The following TRIM6 variants were observed in gnomAD, a reference collection of about 807,000 sequenced individuals.
The protein encoded by TRIM6 is tripartite motif containing 6, also known as tripartite motif-containing protein 6.
Under a neutral mutation model 51.2 loss-of-function variants are expected in TRIM6, and 43 were observed. The observed-to-expected ratio is 0.84, with a 90% CI of 0.66 to 1.08. The LOEUF is 1.08. Ranked by LOEUF, TRIM6 falls within the 50% of genes least tolerant of loss-of-function variation. The pLI is 0.00. For synonymous variants in TRIM6, 215 were observed against 232.4 expected (o/e 0.93, Z 0.68); for missense variants, 669 against 619.0 (o/e 1.08, Z -0.86).
intron 5 of TRIM6, among the ~76,000 whole-genome samples, chr11:5,609,473 C>T (rs1386498934): frequency 6.6e-6 from 1 of 152,106 alleles, no homozygotes; most frequent in African/African-American, 2.4e-5. Flanking sequence ...ATCTTCAACC[C>T]CTCTGATTTT....
intron 4 of TRIM6, among the ~76,000 whole-genome samples, chr11:5,607,707 TA>T (rs972621777): frequency 3.3e-5 from 5 of 152,206 alleles, no homozygotes; most frequent in Non-Finnish European, 5.9e-5. Context: ...CTATTTTGTT[TA>T]AATTTGGTGA....
chr11:5,596,303 C>T (rs1847440281), upstream of TRIM6: 1 of 154,684 alleles, frequency 6.5e-6, no homozygotes, highest in Admixed American at 6.5e-5. Flanking sequence ...AGGGAGACTT[C>T]TGCATTTTCA....
At chr11:5,610,079 G>C in intron 5 of TRIM6, 66 bp from the exon 6 acceptor site, 1 of 1,552,534 alleles carries the variant, frequency 6.4e-7, no homozygotes, top group Non-Finnish European at 8.9e-7. Flanking sequence ...TGGGAGGTAA[G>C]GGAGATGGGT....
In TRIM6 at chr11:5,611,279, T is replaced by G; in HGVS notation, c.1488T>G (p.Leu496=). The G allele has an allele frequency of 6.2e-7, 1 of 1,614,016 alleles. No homozygotes were observed. The highest frequency in any genetic ancestry group is 8.5e-7 in the Non-Finnish European group (1 of 1,179,900). The change falls in exon 8 of 8, where the codon CTT becomes CTG. Residue 496 remains leucine (L), a synonymous_variant. Transcript: ENST00000380097. ...TFSKYYFPTT[L]CPYFNPCNCV... Reference sequence around the variant, plus strand: ...CTAAATATTACTTTCCCACTACTCTTTGTCCATATTTTAATCCTTGCAACT... The same window carrying G: ...CTAAATATTACTTTCCCACTACTCTGTGTCCATATTTTAATCCTTGCAACT...
Position 5,603,393 on chromosome 11 carries a change from C to G in TRIM6, c.165C>G (p.Ser55Arg), listed in dbSNP as rs140488832. ...ICLELLTEPLSIDCGHSFCQA... is the reference protein window; with the variant it reads ...ICLELLTEPLRIDCGHSFCQA... ...TGGAGCTCCTAACAGAACCCCTGAG[C>G]ATAGACTGTGGCCACAGCTTCTGCC... is the stretch of plus-strand genomic sequence containing the variant. The change falls in exon 2 of 8, where the codon AGC (serine) becomes AGG (arginine). Residue 55 changes from serine (S) to arginine (R), a missense_variant. By Grantham distance (110) the Ser-to-Arg change is moderately radical (BLOSUM62 -1). Coordinates refer to ENST00000380097, the MANE Select transcript of TRIM6 (RefSeq NM_001003818.3). 1.9e-6 allele frequency: 3 copies of G among 1,613,934 alleles called. No homozygotes were observed. The South Asian group carries it at 3.3e-5, about 18-fold the overall frequency.
chr11:5,604,685 G>T (rs529045647), intron 3 of TRIM6, 56 bp downstream of exon 3: 25 of 1,571,672 alleles, frequency 1.6e-5, no homozygotes, highest in Non-Finnish European at 2.2e-5. Flanking sequence ...CAGGTCATAG[G>T]AGCTGAGGGC....
At chr11:5,601,723 C>A (rs1300253320) in intron 1 of TRIM6, among the ~76,000 whole-genome samples, 1 of 151,880 alleles carries the variant, frequency 6.6e-6, no homozygotes, top group Non-Finnish European at 1.5e-5. Context: ...GTGCCACTGC[C>A]CTCCAGCCTG....
chr11:5,603,511 A>G lies in TRIM6; in HGVS notation c.283A>G (p.Asn95Asp). 1 of 1,614,036 alleles carries G rather than the reference A, an allele frequency of 6.2e-7. No homozygotes were observed. Among genetic ancestry groups the G allele is most frequent in the Non-Finnish European group, 8.5e-7 (1 of 1,179,974 alleles). The change falls in exon 2 of 8, where the codon AAC becomes GAC. Residue 95 changes from asparagine (N) to aspartate (D), a missense_variant. Transcript: ENST00000380097. ...PVCQTSYQPG[N>D]LRPNRHLANI... is the part of the protein sequence containing the mutation. Reference sequence around the variant, plus strand: ...GTGCCAGACCAGCTACCAGCCAGGGAACCTGCGGCCTAATCGGCATCTGGC... The same window carrying G: ...GTGCCAGACCAGCTACCAGCCAGGGGACCTGCGGCCTAATCGGCATCTGGC...
chr11:5,598,612 T>G lies in TRIM6; in HGVS notation c.17+1698T>G, dbSNP rs7119727. 6.1e-3 allele frequency among the ~76,000 whole-genome samples: 926 copies of G among 152,308 alleles called. 12 individuals are homozygous for G. The highest frequency in any genetic ancestry group is 0.021 in the African/African-American group (886 of 41,564). ...AACATAAAAAAATTAATAAGATCCTTTAACTTTTTTAAACTAAATCTTCAA... is the reference window on the plus strand; with the variant it reads ...AACATAAAAAAATTAATAAGATCCTGTAACTTTTTTAAACTAAATCTTCAA... On this transcript the variant is annotated intron_variant, in intron 1 of 7. Transcript: ENST00000380097.
In TRIM6 at chr11:5,612,869, A is replaced by G. The variant is rs1848629132; in HGVS notation, c.*1527A>G. 6.6e-6 allele frequency: 1 copy of G among 152,242 alleles called. No individual in the cohort carries two copies. Among genetic ancestry groups the G allele is most frequent in the South Asian group, 2.1e-4 (1 of 4,828 alleles). The allele number at this position is 152,242 out of a possible 1,614,324, so 9.4% of individuals were successfully genotyped here. On this transcript the variant is annotated 3_prime_UTR_variant, in exon 8 of 8. Transcript: ENST00000380097. Reference sequence around the variant, plus strand: ...CCTACTTCAAAAAATAATGTAAAATATCTCACTAATAACTTTTCCTTTGTG... The same window carrying G: ...CCTACTTCAAAAAATAATGTAAAATGTCTCACTAATAACTTTTCCTTTGTG...
In TRIM6 at chr11:5,596,769, GTT is replaced by G. The variant is rs1006310050; in HGVS notation, c.-127_-126del. 1.4e-4 allele frequency: 208 copies of G among 1,442,834 alleles called. No individual in the cohort carries two copies. Among genetic ancestry groups the G allele is most frequent in the Non-Finnish European group, 1.9e-4 (193 of 1,033,040 alleles). The allele number at this position is 1,442,834 out of a possible 1,614,324, so 89.4% of individuals were successfully genotyped here. A position where few individuals can be genotyped will look rare whatever the true frequency, so the allele number is the denominator to read the frequency against. On this transcript the variant is annotated 5_prime_UTR_variant, in exon 1 of 8. Transcript: ENST00000380097. ...ACGGAGCAGAGTCGTGCGTGGTTGA[GTT>G]TAGATAAAAGCCGAGTGAGCGCGCT...
chr11:5,612,010 G>A lies in TRIM6; in HGVS notation c.*668G>A, dbSNP rs1848597627. 1 of 152,124 alleles carries A rather than the reference G, an allele frequency of 6.6e-6. No individual in the cohort carries two copies. Among genetic ancestry groups the A allele is most frequent in the African/African-American group, 2.4e-5 (1 of 41,402 alleles). The allele number at this position is 152,124 out of a possible 1,614,324, so 9.4% of individuals were successfully genotyped here. ...CTATGTCTTTTCTGTAAATTATTGA[G>A]ACAATTGTGTATCATTTTTGTTCTG... On this transcript the variant is annotated 3_prime_UTR_variant, in exon 8 of 8. Transcript: ENST00000380097.
chr11:5,608,946 A>G (rs1364927426), intron 5 of TRIM6, among the ~76,000 whole-genome samples: 1 of 144,558 alleles, frequency 6.9e-6, no homozygotes, highest in Non-Finnish European at 1.5e-5. Flanking sequence ...CTGCCCGTGA[A>G]TTTTATCAGA....
rs529429284 is a variant in TRIM6 at position 5,601,737 on chromosome 11, G to A, written c.18-1509G>A. Among the ~76,000 whole-genome samples the A allele has an allele frequency of 3.3e-5, 5 of 152,302 alleles. No individual in the cohort carries two copies. In the South Asian group the frequency reaches 6.2e-4, roughly 19 times the overall value. On this transcript the variant is annotated intron_variant, in intron 1 of 7. Coordinates refer to ENST00000380097, the MANE Select transcript of TRIM6 (RefSeq NM_001003818.3). Reference sequence around the variant, plus strand: ...AGTGCCACTGCCCTCCAGCCTGGGCGATAGAGCAAGACTCAGTTTCAACAA... The same window carrying A: ...AGTGCCACTGCCCTCCAGCCTGGGCAATAGAGCAAGACTCAGTTTCAACAA...
chr11:5,601,313 G>T (rs1590085202), intron 1 of TRIM6, among the ~76,000 whole-genome samples: 1 of 152,176 alleles, frequency 6.6e-6, no homozygotes, highest in Non-Finnish European at 1.5e-5. Context: ...AACTTACAAG[G>T]TGCATGATTG....
At position 5,605,468 on chromosome 11, in the gene TRIM6, A is replaced by G. The variant is rs1848151573; in HGVS notation, c.735A>G (p.Glu245=). 1.1e-5 allele frequency: 17 copies of G among 1,614,096 alleles called. No individual in the cohort carries two copies. The highest frequency in any genetic ancestry group is 1.4e-5 in the Non-Finnish European group (17 of 1,180,050). Residue 245 remains glutamate, a synonymous_variant, in exon 4 of 8, where the codon GAA becomes GAG. Coordinates refer to ENST00000380097, the MANE Select transcript of TRIM6 (RefSeq NM_001003818.3). ...QEEKKGLRII[E]EAENDLVHQT... is the part of the protein sequence containing the mutation. ...AGAAGAAGGGGCTACGAATTATAGA[A>G]GAGGCTGAGAATGATCTGGTCCACC...
intron 1 of TRIM6, among the ~76,000 whole-genome samples, chr11:5,600,539 T>A (rs1257108727): frequency 6.6e-6 from 1 of 152,196 alleles, no homozygotes; most frequent in East Asian, 1.9e-4. Flanking sequence ...CATGACTTTT[T>A]CTTACCCTTA....
Position 5,605,579 on chromosome 11 carries a change from G to C in TRIM6, c.834+12G>C. 1.9e-6 allele frequency: 3 copies of C among 1,608,706 alleles called. No homozygotes were observed. The South Asian group carries it at 3.3e-5, about 18-fold the overall frequency. ...TGGAGCTGCTGCAGGTAAGGCTTGT[G>C]AAGGAGCCCAGATCTGAGAGTCAAG... On this transcript the variant is annotated intron_variant, in intron 4 of 7. Transcript: ENST00000380097.
rs1443814182 is a variant in TRIM6, at chr11:5,603,753, A to G, written c.507+18A>G. 2 of 1,609,948 alleles carry G rather than the reference A, an allele frequency of 1.2e-6. No individual in the cohort carries two copies. Among genetic ancestry groups the G allele is most frequent in the South Asian group, 2.2e-5 (2 of 90,776 alleles). ...AGTACCAGGTGAGACCCCAGGATGG[A>G]ATGGGAGACAGAGAAACAGGGTCTT... On this transcript the variant is annotated intron_variant, in intron 2 of 7. Transcript: ENST00000380097.
Sources: gnomAD v4.1 joint callset for allele counts (sites outside exome capture counted in the v4.1 genomes callset) on GRCh38, gnomAD v4.1.1 for gene constraint, MANE v1.5 for transcripts, NCBI Gene and HGNC (gene_info 2026-07-23, HGNC 2026-07-21) for gene names.